Variants in RAPGEF6 observed in about 807,000 individuals in gnomAD.
RAPGEF6 encodes Rap guanine nucleotide exchange factor 6, also known as PDZ domain containing guanine nucleotide exchange factor (GEF) 2.
RAPGEF6 carries 56 observed loss-of-function variants against 171.4 expected under a neutral mutation model. The observed-to-expected ratio is 0.33, with a 90% CI of 0.26 to 0.41. The LOEUF is 0.41. Ranked by LOEUF, RAPGEF6 falls within the 10% of genes least tolerant of loss-of-function variation. The pLI is 1.00. For missense variants in RAPGEF6, 1,674 were observed against 1,921.4 expected, an observed-to-expected ratio of 0.87 and a Z score of 2.41; for synonymous variants, 692 against 650.1, an observed-to-expected ratio of 1.06 and a Z score of -0.98.
chr5:131,623,220 CA>C (rs1462758587), intron 1 of RAPGEF6, among the ~76,000 whole-genome samples: 9 of 152,248 alleles, frequency 5.9e-5, no homozygotes, highest in East Asian at 1.9e-4. Flanking sequence ...ATGTTCCCTG[CA>C]AATGTGTTTT....
At chr5:131,557,412 T>C (rs893566310) in intron 5 of RAPGEF6, among the ~76,000 whole-genome samples, 25 of 152,364 alleles carry the variant, frequency 1.6e-4, no homozygotes, top group African/African-American at 5.8e-4. Flanking sequence ...TTGATTTTTA[T>C]GTATGAACGA....
chr5:131,590,961 G>A (rs1580636614), intron 4 of RAPGEF6, among the ~76,000 whole-genome samples: 1 of 152,060 alleles, frequency 6.6e-6, no homozygotes, highest in East Asian at 1.9e-4. Context: ...CACAAATACA[G>A]GGAAAAGGAA....
intron 3 of RAPGEF6, among the ~76,000 whole-genome samples, chr5:131,594,885 C>T (rs1175087154): frequency 3.5e-5 from 5 of 143,622 alleles, no homozygotes; most frequent in African/African-American, 1.1e-4. Flanking sequence ...TACCCCATGC[C>T]TGTATCTCCA....
chr5:131,506,063 C>T (rs957536922), intron 9 of RAPGEF6, among the ~76,000 whole-genome samples: 3 of 152,170 alleles, frequency 2.0e-5, no homozygotes, highest in African/African-American at 7.2e-5. Context: ...GCATATCTAA[C>T]AAAAGATTCA....
At chr5:131,597,995 G>A (rs1387317357) in intron 3 of RAPGEF6, among the ~76,000 whole-genome samples, 2 of 152,018 alleles carry the variant, frequency 1.3e-5, no homozygotes, top group Non-Finnish European at 2.9e-5. Context: ...CAACTATAAT[G>A]TGTCGATTAA....
chr5:131,606,828 G>T (rs1195431087), intron 1 of RAPGEF6, among the ~76,000 whole-genome samples: 1 of 152,178 alleles, frequency 6.6e-6, no homozygotes, highest in Non-Finnish European at 1.5e-5. Context: ...AAGGCCACAT[G>T]GAATAACACC....
intron 1 of RAPGEF6, 147 bp from the exon 2 acceptor site, chr5:131,604,840 G>C: frequency 1.9e-6 from 2 of 1,061,192 alleles, no homozygotes; most frequent in Non-Finnish European, 2.6e-6. Context: ...AATCATAAAA[G>C]ATTTGAAAAG....
In RAPGEF6 at chr5:131,583,762, T is replaced by C. The variant is rs761764517; in HGVS notation, c.281+8621A>G. On this transcript the variant is annotated intron_variant, in intron 4 of 27. Transcript: ENST00000509018. ...CTGAATTTGTCTTTTCCCCTGGCCA[T>C]GGTTATTCATACTGGCTCAGAATAA... Among the ~76,000 whole-genome samples, 203 of 152,196 alleles carry C rather than the reference T, an allele frequency of 1.3e-3. 2 individuals are homozygous for C. Among genetic ancestry groups the C allele is most frequent in the Non-Finnish European group, 6.9e-4 (47 of 68,030 alleles).
intron 16 of RAPGEF6, among the ~76,000 whole-genome samples, chr5:131,473,118 G>A (rs1754864433): frequency 6.6e-6 from 1 of 152,068 alleles, no homozygotes; most frequent in African/African-American, 2.4e-5. Flanking sequence ...CCATAGCAAG[G>A]TGTTCTCTTT....
intron 9 of RAPGEF6, among the ~76,000 whole-genome samples, chr5:131,507,444 T>C (rs1757442431): frequency 6.6e-6 from 1 of 152,046 alleles, no homozygotes; most frequent in Non-Finnish European, 1.5e-5. Context: ...GTTCATTTAC[T>C]GATATCTCAG....
chr5:131,481,034 A>G (rs537660247), intron 15 of RAPGEF6, among the ~76,000 whole-genome samples: 9 of 150,322 alleles, frequency 6.0e-5, no homozygotes, highest in African/African-American at 2.2e-4. Flanking sequence ...TGGGTTCAAG[A>G]GGTTATCCTG....
chr5:131,550,406 C>T (rs188440876), intron 5 of RAPGEF6, among the ~76,000 whole-genome samples: 3 of 152,316 alleles, frequency 2.0e-5, no homozygotes, highest in Admixed American at 2.0e-4. Context: ...CATGTACAAT[C>T]CTGGAAAAGC....
intron 4 of RAPGEF6, among the ~76,000 whole-genome samples, chr5:131,563,206 A>C (rs1268417800): frequency 6.6e-6 from 1 of 152,152 alleles, no homozygotes; most frequent in Admixed American, 6.5e-5. Flanking sequence ...TTAGTAAATA[A>C]AACATATAAA....
At chr5:131,555,495 C>G (rs137904564) in intron 5 of RAPGEF6, among the ~76,000 whole-genome samples, 2 of 151,956 alleles carry the variant, frequency 1.3e-5, no homozygotes, top group African/African-American at 4.8e-5. Context: ...TAATTTTACA[C>G]AACTCTTATG....
chr5:131,534,307 C>T (rs1424789003), intron 6 of RAPGEF6, among the ~76,000 whole-genome samples: 3 of 152,016 alleles, frequency 2.0e-5, no homozygotes, highest in African/African-American at 7.2e-5. Context: ...GAGTCACTTT[C>T]TGAACAACAC....
At chr5:131,554,920 A>C (rs1049991033) in intron 5 of RAPGEF6, among the ~76,000 whole-genome samples, 4 of 152,160 alleles carry the variant, frequency 2.6e-5, no homozygotes, top group Non-Finnish European at 5.9e-5. Context: ...AAAGAACTTA[A>C]AATAAAGGAG....
chr5:131,564,371 A>C (rs1761795524), intron 4 of RAPGEF6, among the ~76,000 whole-genome samples: 1 of 152,200 alleles, frequency 6.6e-6, no homozygotes, highest in Non-Finnish European at 1.5e-5. Context: ...AGGAAAGACG[A>C]CATAATACAT....
chr5:131,456,828 T>A (rs1326291477), intron 19 of RAPGEF6, among the ~76,000 whole-genome samples: 1 of 152,136 alleles, frequency 6.6e-6, no homozygotes, highest in Non-Finnish European at 1.5e-5. Context: ...CTCAGAAATT[T>A]CCCCAAACCA....
At chr5:131,567,837 C>G (rs1284691627) in intron 4 of RAPGEF6, among the ~76,000 whole-genome samples, 1 of 152,196 alleles carries the variant, frequency 6.6e-6, no homozygotes, top group African/African-American at 2.4e-5. Context: ...CTAATCCTTT[C>G]AATTCTGTCA....
Sources: allele counts gnomAD v4.1 joint callset (sites outside exome capture counted in the v4.1 genomes callset), GRCh38; gene constraint gnomAD v4.1.1; transcripts MANE v1.5; gene names NCBI Gene and HGNC (gene_info 2026-07-23, HGNC 2026-07-21).